Variants in GRK3 observed in about 807,000 individuals in gnomAD.
GRK3 encodes adrenergic, beta, receptor kinase 2.
Under a neutral mutation model 95.7 loss-of-function variants are expected in GRK3, and 54 were observed. The ratio of observed to expected loss-of-function variants is 0.56; its 90% CI spans 0.45 to 0.71. The LOEUF (loss-of-function observed/expected upper bound fraction) is 0.71. Ranked by LOEUF, GRK3 falls within the 30% of genes least tolerant of loss-of-function variation. The pLI is 0.00. For synonymous variants in GRK3, 281 were observed against 290.8 expected, an observed-to-expected ratio of 0.97 and a Z score of 0.34; for missense variants, 649 against 851.2, an observed-to-expected ratio of 0.76 and a Z score of 2.96.
chr22:25,702,955 GA>G, intron 13 of GRK3: 1 of 454,362 alleles, frequency 2.2e-6, no homozygotes, highest in Admixed American at 2.4e-5. Flanking sequence ...GGGAAAACAG[GA>G]AGCGCTCAGA....
chr22:25,625,366 A>G (rs768873276), intron 2 of GRK3, among the ~76,000 whole-genome samples: 1 of 152,236 alleles, frequency 6.6e-6, no homozygotes, highest in African/African-American at 2.4e-5. Flanking sequence ...CTGAGGGGAC[A>G]CAGTGAGAAG....
At chr22:25,686,387 T>C (rs1312610245) in intron 10 of GRK3, among the ~76,000 whole-genome samples, 2 of 152,106 alleles carry the variant, frequency 1.3e-5, no homozygotes, top group African/African-American at 2.4e-5. Flanking sequence ...AGAGAGGCCT[T>C]AAAAGTGGCC....
At chr22:25,606,482 G>A (rs113830875) in intron 2 of GRK3, among the ~76,000 whole-genome samples, 1 of 152,190 alleles carries the variant, frequency 6.6e-6, no homozygotes, top group African/African-American at 2.4e-5. Context: ...GGTGGGCCAT[G>A]GTGGGAGTAA....
intron 9 of GRK3, 60 bp downstream of exon 9, chr22:25,678,975 G>A (rs1031684823): frequency 1.9e-5 from 23 of 1,187,564 alleles, no homozygotes; most frequent in Non-Finnish European, 2.7e-5. Flanking sequence ...ATAGCAGGAT[G>A]ATTTATTATT....
At chr22:25,631,560 T>C (rs2084664454) in intron 2 of GRK3, among the ~76,000 whole-genome samples, 1 of 152,216 alleles carries the variant, frequency 6.6e-6, no homozygotes, top group African/African-American at 2.4e-5. Context: ...GTGCTATTTT[T>C]ATTTAGGTGG....
Position 25,690,175 on chromosome 22 carries a change from C to A in GRK3, c.958-14C>A. The stretch of plus-strand genomic sequence containing the variant: ...TGGGGCACTCTTATTAAAGATTATT[C>A]TCTTTCTGTTTAGCCAGCAAATATT... On this transcript the variant is annotated splice_polypyrimidine_tract_variant and intron_variant, in intron 11 of 20. Coordinates refer to ENST00000324198, the MANE Select transcript of GRK3 (RefSeq NM_005160.4). The A allele has an allele frequency of 1.2e-6, 2 of 1,603,720 alleles. No individual in the cohort carries two copies. Among genetic ancestry groups the A allele is most frequent in the South Asian group, 1.1e-5 (1 of 90,730 alleles).
chr22:25,641,524 A>C (rs1321770073), intron 2 of GRK3, among the ~76,000 whole-genome samples: 1 of 152,244 alleles, frequency 6.6e-6, no homozygotes, highest in East Asian at 1.9e-4. Flanking sequence ...AGAAGCAAAT[A>C]TAAACATGCG....
At chr22:25,650,245 G>A (rs1376239065) in intron 3 of GRK3, among the ~76,000 whole-genome samples, 1 of 152,100 alleles carries the variant, frequency 6.6e-6, no homozygotes, top group Non-Finnish European at 1.5e-5. Flanking sequence ...GTTTCACCAT[G>A]TTGTCCAGTC....
intron 1 of GRK3, among the ~76,000 whole-genome samples, chr22:25,574,031 C>G (rs1931801042): frequency 3.3e-5 from 5 of 152,186 alleles, no homozygotes; most frequent in Admixed American, 3.3e-4. Context: ...TCTTCAATGT[C>G]AGCAATAAAA....
At chr22:25,623,260 CA>C (rs1348414363) in intron 2 of GRK3, among the ~76,000 whole-genome samples, 1 of 152,144 alleles carries the variant, frequency 6.6e-6, no homozygotes, top group African/African-American at 2.4e-5. Context: ...GTAAGTTATT[CA>C]AAACTATAGA....
rs763274410 is a variant in GRK3, at chr22:25,722,242, A to G, written c.1906-47A>G. On this transcript the variant is annotated intron_variant, in intron 20 of 20. Coordinates refer to ENST00000324198, the MANE Select transcript of GRK3 (RefSeq NM_005160.4). Reference sequence around the variant, plus strand: ...AATAGGGGCAGCCTCCGCTGTTGGCAAAATGGGTGAGCCTGTCACAACGGC... The same window carrying G: ...AATAGGGGCAGCCTCCGCTGTTGGCGAAATGGGTGAGCCTGTCACAACGGC... The G allele has an allele frequency of 3.1e-6, 5 of 1,602,438 alleles. No individual in the cohort carries two copies. The Admixed American group carries it at 8.4e-5, about 27-fold the overall frequency.
chr22:25,697,680 C>T (rs1021714146), intron 13 of GRK3, among the ~76,000 whole-genome samples: 1 of 152,176 alleles, frequency 6.6e-6, no homozygotes, highest in African/African-American at 2.4e-5. Flanking sequence ...CAGAGGGATG[C>T]ATTTTGAGGA....
chr22:25,592,274 A>G (rs1286672787), intron 1 of GRK3, among the ~76,000 whole-genome samples: 2 of 150,862 alleles, frequency 1.3e-5, no homozygotes, highest in Non-Finnish European at 2.9e-5. Flanking sequence ...TTTGCCACCC[A>G]CATATCTTCT....
At chr22:25,637,051 G>A (rs1428617584) in intron 2 of GRK3, among the ~76,000 whole-genome samples, 3 of 152,160 alleles carry the variant, frequency 2.0e-5, no homozygotes, top group Non-Finnish European at 4.4e-5. Flanking sequence ...GGGCCTGCAG[G>A]AATAGAACAA....
chr22:25,644,551 A>G lies in GRK3; in HGVS notation c.191-41A>G, dbSNP rs754448858. 4.9e-6 allele frequency: 5 copies of G among 1,020,146 alleles called. No homozygotes were observed. The Admixed American group carries it at 6.5e-5, about 13-fold the overall frequency. 63.2% of individuals were successfully genotyped at this position (1,020,146 alleles called of 1,614,324 possible). On this transcript the variant is annotated intron_variant, in intron 2 of 20. Coordinates refer to ENST00000324198, the MANE Select transcript of GRK3 (RefSeq NM_005160.4). ...AACACCCTTGTGGGATAAAATTTCA[A>G]TTAATTGCCCACCCTGAAATTTTTT... is the stretch of plus-strand genomic sequence containing the variant.
rs540810599 is a variant in GRK3, at chr22:25,692,726, AAAGT to A, written c.1053-2374_1053-2371del. Among the ~76,000 whole-genome samples, 13 of 152,358 alleles carry A rather than the reference AAAGT, an allele frequency of 8.5e-5. No homozygotes were observed. In the South Asian group the frequency reaches 2.1e-3, roughly 24 times the overall value. ...GTGGTATGGAAATTGAGGTTCAGAG[AAAGT>A]AAGTAACTTGAACCAGGTCACATGG... On this transcript the variant is annotated intron_variant, in intron 12 of 20. Coordinates refer to ENST00000324198, the MANE Select transcript of GRK3 (RefSeq NM_005160.4).
intron 9 of GRK3, among the ~76,000 whole-genome samples, chr22:25,681,157 C>T (rs1472554405): frequency 2.0e-5 from 3 of 152,204 alleles, no homozygotes; most frequent in Non-Finnish European, 2.9e-5. Flanking sequence ...AGAAGCGTGA[C>T]TCATTTATTC....
intron 3 of GRK3, among the ~76,000 whole-genome samples, chr22:25,658,328 C>A (rs1650102679): frequency 6.6e-6 from 1 of 152,168 alleles, no homozygotes; most frequent in South Asian, 2.1e-4. Context: ...TGGATTTTTT[C>A]ATCTGTTCGT....
In GRK3 at chr22:25,687,632, A is replaced by G. The variant is rs1044803; in HGVS notation, c.922A>G (p.Met308Val). 1.9e-6 allele frequency: 3 copies of G among 1,614,196 alleles called. No homozygotes were observed. The highest frequency in any genetic ancestry group is 2.5e-6 in the Non-Finnish European group (3 of 1,180,018). The change falls in exon 11 of 21, where the codon ATG (methionine) becomes GTG (valine). Residue 308 changes from methionine to valine, a missense_variant. Around this residue, in one of 3 missense-constraint regions of GRK3, gnomAD observed 382 missense variants for 493.8 expected, o/e 0.77. Coordinates refer to ENST00000324198, the MANE Select transcript of GRK3 (RefSeq NM_005160.4). ...ATEIILGLEHMHNRFVVYRDL... is the reference protein window; with the variant it reads ...ATEIILGLEHVHNRFVVYRDL... ...TGAAATCATTCTGGGTCTGGAACAC[A>G]TGCACAATCGGTTTGTTGTCTACAG...
Sources: allele counts gnomAD v4.1 joint callset (sites outside exome capture counted in the v4.1 genomes callset), GRCh38; gene constraint gnomAD v4.1.1; regional missense constraint gnomAD v4.1.1; transcripts MANE v1.5; gene names NCBI Gene and HGNC (gene_info 2026-07-23, HGNC 2026-07-21).